The following TMEM184B variants were observed in gnomAD, a reference collection of about 807,000 sequenced individuals.
TMEM184B encodes the protein putative MAPK-activating protein FM08.
Under a neutral mutation model 41.8 loss-of-function variants are expected in TMEM184B, and 17 were observed. The ratio of observed to expected loss-of-function variants is 0.41; its 90% CI spans 0.28 to 0.61. The LOEUF (loss-of-function observed/expected upper bound fraction) is 0.61. Ranked by LOEUF, TMEM184B falls within the 20% of genes least tolerant of loss-of-function variation. The pLI, the probability that TMEM184B is intolerant of heterozygous loss-of-function variation, is 0.34. For synonymous variants in TMEM184B, 240 were observed against 229.5 expected, an observed-to-expected ratio of 1.05 and a Z score of -0.41; for missense variants, 393 against 557.8, an observed-to-expected ratio of 0.70 and a Z score of 2.98.
intron 3 of TMEM184B, 132 bp downstream of exon 3, chr22:38,245,803 C>T (rs2092013145): frequency 2.1e-6 from 2 of 960,484 alleles, no homozygotes; most frequent in African/African-American, 3.3e-5. Context: ...GGACAGAAAC[C>T]CTGTAGTAGG....
intron 8 of TMEM184B, chr22:38,223,190 G>C (rs1569011184): frequency 6.5e-6 from 1 of 152,812 alleles, no homozygotes; most frequent in African/African-American, 2.4e-5. Flanking sequence ...GGCAGAAGAG[G>C]GCAAGCAGCT....
chr22:38,256,636 C>G (rs75688852), intron 1 of TMEM184B, among the ~76,000 whole-genome samples: 1,755 of 152,288 alleles, frequency 0.012, 17 homozygotes, highest in Middle Eastern at 0.041. Flanking sequence ...TGTTGTTCTG[C>G]TGTCTAAAGC....
intron 1 of TMEM184B, among the ~76,000 whole-genome samples, chr22:38,271,373 C>T (rs921661721): frequency 1.3e-5 from 2 of 152,188 alleles, no homozygotes; most frequent in East Asian, 1.9e-4. Flanking sequence ...TGCCACGTAT[C>T]GTGGAGAAGA....
intron 5 of TMEM184B, among the ~76,000 whole-genome samples, chr22:38,227,643 G>A (rs903020832): frequency 7.2e-5 from 11 of 152,184 alleles, no homozygotes; most frequent in Non-Finnish European, 1.6e-4. Context: ...CAAAATCTGA[G>A]TTTGAACTCT....
At chr22:38,259,939 CTTTTT>C (rs60704295) in intron 1 of TMEM184B, among the ~76,000 whole-genome samples, 4 of 87,392 alleles carry the variant, frequency 4.6e-5, no homozygotes, top group African/African-American at 1.0e-4. Flanking sequence ...CCACGCCTGG[CTTTTT>C]TTTTTTTTTT....
intron 1 of TMEM184B, among the ~76,000 whole-genome samples, chr22:38,252,204 C>A (rs980155079): frequency 7.2e-5 from 11 of 152,136 alleles, no homozygotes; most frequent in African/African-American, 2.4e-4. Context: ...GGACTACAGG[C>A]ATGAGCCACC....
At chr22:38,231,143 G>C in intron 4 of TMEM184B, 101 bp downstream of exon 4, 1 of 1,029,642 alleles carries the variant, frequency 9.7e-7, no homozygotes, top group Non-Finnish European at 1.5e-6. Flanking sequence ...TCAAGGTCAC[G>C]GGCAGACATG....
At chr22:38,258,801 G>A (rs1486033006) in intron 1 of TMEM184B, among the ~76,000 whole-genome samples, 2 of 152,146 alleles carry the variant, frequency 1.3e-5, no homozygotes. Flanking sequence ...TTAGTCTGCT[G>A]CAGACTTAGA....
Position 38,225,716 on chromosome 22 carries a change from C to T in TMEM184B, c.618-123G>A. On this transcript the variant is annotated intron_variant, in intron 6 of 8. Coordinates refer to ENST00000361906, the MANE Select transcript of TMEM184B (RefSeq NM_012264.5). The surrounding 1 kb of genome is among the most constrained non-coding windows in gnomAD (Gnocchi z 4.4). ...ACACCTCCAGCAGAGCTCAACGAGC[C>T]ACTGAAGGGGTCAGAATGGGTGATC... The T allele has an allele frequency of 1.8e-6, 2 of 1,130,754 alleles. No individual in the cohort carries two copies. The highest frequency in any genetic ancestry group is 7.1e-5 in the Admixed American group (2 of 28,368). 70.0% of individuals were successfully genotyped at this position (1,130,754 alleles called of 1,614,324 possible).
chr22:38,227,380 G>A (rs1416086389), intron 5 of TMEM184B, among the ~76,000 whole-genome samples: 1 of 152,180 alleles, frequency 6.6e-6, no homozygotes, highest in Non-Finnish European at 1.5e-5. Context: ...GCGCACTAGA[G>A]AGGTGGCTGA....
intron 3 of TMEM184B, among the ~76,000 whole-genome samples, chr22:38,244,437 A>G (rs540536133): frequency 1.7e-3 from 264 of 151,948 alleles, no homozygotes; most frequent in African/African-American, 5.6e-3. Flanking sequence ...CTCTGAGAAT[A>G]GCATGGGTAT....
chr22:38,245,359 G>A (rs2092000542), intron 3 of TMEM184B, among the ~76,000 whole-genome samples: 1 of 146,172 alleles, frequency 6.8e-6, no homozygotes, highest in African/African-American at 2.5e-5. Flanking sequence ...GACCCAGGTG[G>A]AGGGCCCTTG....
At chr22:38,244,571 C>T (rs2091982847) in intron 3 of TMEM184B, among the ~76,000 whole-genome samples, 1 of 152,166 alleles carries the variant, frequency 6.6e-6, no homozygotes, top group Non-Finnish European at 1.5e-5. Flanking sequence ...ATTCTCCTGC[C>T]TCAGCCTCCT....
chr22:38,247,456 G>T (rs2092059973), intron 2 of TMEM184B, among the ~76,000 whole-genome samples: 1 of 152,238 alleles, frequency 6.6e-6, no homozygotes, highest in Non-Finnish European at 1.5e-5. Context: ...AGGCAAGAAA[G>T]CGACTTCTTG....
At position 38,239,967 on chromosome 22, in the gene TMEM184B, G is replaced by T. The variant is rs1384805889; in HGVS notation, c.358+5968C>A. ...ATTTTTTTTTTTTCTGGGGCGGGTA[G>T]AGATGAGGTCGAGGTCTCGCTCAGT... On this transcript the variant is annotated intron_variant, in intron 3 of 8. Coordinates refer to ENST00000361906, the MANE Select transcript of TMEM184B (RefSeq NM_012264.5). The surrounding 1 kb of genome is among the most constrained non-coding windows in gnomAD (Gnocchi z 4.6). Among the ~76,000 whole-genome samples, 1 of 151,634 alleles carries T rather than the reference G, an allele frequency of 6.6e-6. No individual in the cohort carries two copies. The highest frequency in any genetic ancestry group is 1.5e-5 in the Non-Finnish European group (1 of 67,960).
intron 5 of TMEM184B, among the ~76,000 whole-genome samples, chr22:38,228,959 C>T (rs1479947675): frequency 1.3e-5 from 2 of 152,240 alleles, no homozygotes; most frequent in Admixed American, 6.5e-5. Flanking sequence ...AACAATGGCT[C>T]TCAATGCCCC....
intron 8 of TMEM184B, chr22:38,222,532 C>T (rs1282787320): frequency 2.3e-5 from 22 of 940,838 alleles, no homozygotes; most frequent in Admixed American, 6.2e-5. Context: ...CAGGGGGTGC[C>T]GGTGGGGAGG....
intron 1 of TMEM184B, among the ~76,000 whole-genome samples, chr22:38,257,878 C>T (rs2092308739): frequency 6.6e-6 from 1 of 152,146 alleles, no homozygotes; most frequent in African/African-American, 2.4e-5. Flanking sequence ...TAGGCAAAGG[C>T]CCAAGGCTTC....
chr22:38,243,937 G>T (rs2091968796), intron 3 of TMEM184B, among the ~76,000 whole-genome samples: 2 of 152,134 alleles, frequency 1.3e-5, no homozygotes, highest in Non-Finnish European at 1.5e-5. Context: ...CGAGGACCTG[G>T]ATGGGTGCTG....
Sources: gnomAD v4.1 joint callset for allele counts (sites outside exome capture counted in the v4.1 genomes callset) on GRCh38, gnomAD v4.1.1 for gene constraint, Gnocchi (gnomAD v3.1) non-coding constraint, MANE v1.5 for transcripts, NCBI Gene and HGNC (gene_info 2026-07-23, HGNC 2026-07-21) for gene names.